The following KDM7A variants were observed in gnomAD, a reference collection of about 807,000 sequenced individuals.
KDM7A encodes the protein lysine demethylase 7A, also known as lysine-specific demethylase 7A.
A neutral mutation model predicts 114.8 loss-of-function variants in KDM7A; 28 were observed. The observed-to-expected ratio is 0.24, with a 90% CI of 0.18 to 0.33. The LOEUF (loss-of-function observed/expected upper bound fraction) is 0.33, where lower values mean the gene tolerates loss of function less well. Among genes scored for constraint, KDM7A ranks in the 10% least tolerant of loss-of-function variants. The probability of loss-of-function intolerance (pLI) is 1.00; values close to 1 mark genes in which losing one functional copy is unlikely to be tolerated. For synonymous variants in KDM7A, 423 were observed against 397.8 expected, an observed-to-expected ratio of 1.06 and a Z score of -0.75; for missense variants, 942 against 1,142.5, an observed-to-expected ratio of 0.82 and a Z score of 2.53.
chr7:140,166,812 G>C (rs566304024), intron 1 of KDM7A, among the ~76,000 whole-genome samples: 5 of 152,252 alleles, frequency 3.3e-5, no homozygotes, highest in Admixed American at 6.5e-5. Flanking sequence ...AAATCAAATA[G>C]AGGCATAAGA....
At chr7:140,092,749 A>G (rs1818042754) in intron 18 of KDM7A, among the ~76,000 whole-genome samples, 1 of 152,224 alleles carries the variant, frequency 6.6e-6, no homozygotes, top group South Asian at 2.1e-4. Flanking sequence ...CATTATGCTA[A>G]TCATCCATCC....
chr7:140,170,136 C>A (rs181390460), intron 1 of KDM7A, among the ~76,000 whole-genome samples: 1 of 151,980 alleles, frequency 6.6e-6, no homozygotes, highest in Non-Finnish European at 1.5e-5. Flanking sequence ...TATTTCCTAT[C>A]CCTAACCAAT....
At chr7:140,132,074 A>G (rs1158174267) in intron 3 of KDM7A, among the ~76,000 whole-genome samples, 2 of 152,222 alleles carry the variant, frequency 1.3e-5, no homozygotes, top group Admixed American at 6.5e-5. Flanking sequence ...TTTATGTAGA[A>G]AAGGGTCTCA....
rs369433561 is a variant in KDM7A at position 140,096,732 on chromosome 7, C to T, written c.2197G>A (p.Glu733Lys). 1.2e-6 allele frequency: 2 copies of T among 1,614,182 alleles called. No homozygotes were observed. Among genetic ancestry groups the T allele is most frequent in the African/African-American group, 1.3e-5 (1 of 75,056 alleles). ...ATAGACAGCATGCCCTGAATAGCTTCTTCCTCTGTGCTCGTCGAGGTAGGA... is the reference window on the plus strand; with the variant it reads ...ATAGACAGCATGCCCTGAATAGCTTTTTCCTCTGTGCTCGTCGAGGTAGGA... ...ECPTSTSTEEEAIQGMLSMAG... is the reference protein window; with the variant it reads ...ECPTSTSTEEKAIQGMLSMAG... The change falls in exon 17 of 20, where the codon GAA (glutamate) becomes AAA (lysine). Residue 733 changes from glutamate (E) to lysine (K), a missense_variant. Glu to Lys is a moderately conservative substitution (Grantham distance 56). Transcript: ENST00000397560.
intron 10 of KDM7A, 66 bp from the exon 11 acceptor site, chr7:140,111,250 T>G: frequency 9.7e-7 from 1 of 1,026,598 alleles, no homozygotes; most frequent in Non-Finnish European, 1.5e-6. Context: ...AAAAACAAAT[T>G]TACTAAACCA....
In KDM7A at chr7:140,124,893, A is replaced by G. The variant is rs996137093; in HGVS notation, c.889-110T>C. 5 of 672,774 alleles carry G rather than the reference A, an allele frequency of 7.4e-6. No homozygotes were observed. The South Asian group carries it at 8.1e-5, about 11-fold the overall frequency. 41.7% of individuals were successfully genotyped at this position (672,774 alleles called of 1,614,324 possible). ...ATACAAATTAAATTGGATAATTATC[A>G]GATTCTTTTAGGTTCAAAAGACATA... On this transcript the variant is annotated intron_variant, in intron 6 of 19. Transcript: ENST00000397560.
At chr7:140,118,294 T>C (rs982457190) in intron 9 of KDM7A, among the ~76,000 whole-genome samples, 1 of 152,206 alleles carries the variant, frequency 6.6e-6, no homozygotes. Context: ...TGCTCAAAGA[T>C]AATTAAACCA....
Position 140,125,049 on chromosome 7 carries a change from C to T in KDM7A, c.889-266G>A, listed in dbSNP as rs1192640671. 2.0e-5 allele frequency among the ~76,000 whole-genome samples: 3 copies of T among 152,300 alleles called. No individual in the cohort carries two copies. The East Asian group carries it at 5.8e-4, about 29-fold the overall frequency. On this transcript the variant is annotated intron_variant, in intron 6 of 19. Coordinates refer to ENST00000397560, the MANE Select transcript of KDM7A (RefSeq NM_030647.2). ...GCTGCAAGACAGGAGGGCAGAGAAG[C>T]ACAAACATCCCACTGACCTCCTCTC...
chr7:140,088,462 T>C lies in KDM7A; in HGVS notation c.*2632A>G. 1 of 398,386 alleles carries C rather than the reference T, an allele frequency of 2.5e-6. No individual in the cohort carries two copies. 24.7% of individuals were successfully genotyped at this position (398,386 alleles called of 1,614,324 possible). ...ACAACTAGCTAAATGCTATCAGTGC[T>C]GTCTTCCTAAGTTGCTGTGTCTGTA... On this transcript the variant is annotated 3_prime_UTR_variant, in exon 20 of 20. Transcript: ENST00000397560.
intron 2 of KDM7A, among the ~76,000 whole-genome samples, chr7:140,135,472 A>G (rs1329231132): frequency 6.6e-6 from 1 of 152,160 alleles, no homozygotes; most frequent in African/African-American, 2.4e-5. Flanking sequence ...AAGTGCTAGG[A>G]TTACACGTGT....
At chr7:140,168,160 T>C (rs1347807086) in intron 1 of KDM7A, among the ~76,000 whole-genome samples, 3 of 152,348 alleles carry the variant, frequency 2.0e-5, no homozygotes, top group African/African-American at 4.8e-5. Flanking sequence ...TTGGTGGGAA[T>C]GCAAACTGGT....
intron 2 of KDM7A, among the ~76,000 whole-genome samples, chr7:140,135,596 AAC>A (rs1474639849): frequency 1.3e-5 from 2 of 152,128 alleles, no homozygotes; most frequent in East Asian, 3.8e-4. Flanking sequence ...AAATATTTAA[AAC>A]AGACTACAAT....
intron 1 of KDM7A, among the ~76,000 whole-genome samples, chr7:140,169,288 C>A (rs1372690584): frequency 2.0e-5 from 3 of 152,178 alleles, no homozygotes; most frequent in African/African-American, 7.2e-5. Flanking sequence ...AAGATTAGCA[C>A]TGGCTGTTCA....
intron 10 of KDM7A, 25 bp from the exon 11 acceptor site, chr7:140,111,209 G>C: frequency 6.9e-7 from 1 of 1,447,946 alleles, no homozygotes; most frequent in Non-Finnish European, 9.6e-7. Context: ...ACAAAAATAA[G>C]AAAACCAAAG....
In KDM7A at chr7:140,090,999, A is replaced by G; in HGVS notation, c.*95T>C. On this transcript the variant is annotated 3_prime_UTR_variant, in exon 20 of 20. Transcript: ENST00000397560. ...TTCGGGCAGTGTTCTTACTATACAC[A>G]CAAACTGCTCCAGGCAGGGGGACAG... 1.2e-6 allele frequency: 1 copy of G among 862,636 alleles called. No homozygotes were observed. Among genetic ancestry groups the G allele is most frequent in the African/African-American group, 1.7e-5 (1 of 59,774 alleles). The allele number at this position is 862,636 out of a possible 1,614,324, so 53.4% of individuals were successfully genotyped here. A position where few individuals can be genotyped will look rare whatever the true frequency, so the allele number is the denominator to read the frequency against.
Position 140,098,991 on chromosome 7 carries a change from T to A in KDM7A, c.1806A>T (p.Ala602=). The A allele has an allele frequency of 6.2e-7, 1 of 1,613,378 alleles. No homozygotes were observed. Among genetic ancestry groups the A allele is most frequent in the South Asian group, 1.1e-5 (1 of 91,052 alleles). ...TTTTATCCTCTTCATTTTCACTATC[T>A]GCTGTATAAAGACTTTGATCTGCAA... The part of the protein sequence containing the change: ...QPFADQSLYT[A]DSENEEDKRR... The change falls in exon 14 of 20, where the codon GCA becomes GCT. Residue 602 remains alanine, a synonymous_variant. Coordinates refer to ENST00000397560, the MANE Select transcript of KDM7A (RefSeq NM_030647.2).
At chr7:140,125,148 G>C (rs889824933) in intron 6 of KDM7A, among the ~76,000 whole-genome samples, 1 of 152,158 alleles carries the variant, frequency 6.6e-6, no homozygotes, top group African/African-American at 2.4e-5. Context: ...TTTCTACTAA[G>C]ATCCACAGCA....
At chr7:140,170,527 C>A (rs2116860244) in intron 1 of KDM7A, among the ~76,000 whole-genome samples, 1 of 152,354 alleles carries the variant, frequency 6.6e-6, no homozygotes, top group Non-Finnish European at 1.5e-5. Flanking sequence ...GCTCTCTCAC[C>A]TTCCAGCCTT....
chr7:140,115,337 G>C (rs190486995), intron 9 of KDM7A, among the ~76,000 whole-genome samples: 2 of 152,374 alleles, frequency 1.3e-5, no homozygotes, highest in Admixed American at 1.3e-4. Context: ...GACAATGGCA[G>C]TTTTGTCCAA....
Sources: gnomAD v4.1 joint callset for allele counts (sites outside exome capture counted in the v4.1 genomes callset) on GRCh38, gnomAD v4.1.1 for gene constraint, MANE v1.5 for transcripts, NCBI Gene and HGNC (gene_info 2026-07-23, HGNC 2026-07-21) for gene names.